Variants in ABCC5 observed in about 807,000 individuals in gnomAD.
ABCC5 encodes the protein ATP-binding cassette sub-family C member 5.
ABCC5 carries 61 observed loss-of-function variants against 160.9 expected under a neutral mutation model. The ratio of observed to expected loss-of-function variants is 0.38; its 90% CI spans 0.31 to 0.47. The LOEUF is 0.47. ABCC5 is among the 20% of genes least tolerant of loss of function. The pLI, the probability that ABCC5 is intolerant of heterozygous loss-of-function variation, is 0.99. For missense variants in ABCC5, 1,308 were observed against 1,813.3 expected, an observed-to-expected ratio of 0.72 and a Z score of 5.06; for synonymous variants, 666 against 700.6, an observed-to-expected ratio of 0.95 and a Z score of 0.78.
At chr3:183,962,942 G>A (rs1716908052) in intron 15 of ABCC5, among the ~76,000 whole-genome samples, 1 of 152,176 alleles carries the variant, frequency 6.6e-6, no homozygotes, top group African/African-American at 2.4e-5. Context: ...GCAGAATGGA[G>A]GGTTTGCCCC....
rs1215824475 is a variant in ABCC5, at chr3:183,971,671, C to CAGG, written c.1650_1652dup (p.Leu551dup). 3 of 1,614,158 alleles carry CAGG rather than the reference C, an allele frequency of 1.9e-6. No individual in the cohort carries two copies. The Middle Eastern group carries it at 4.9e-4, about 266-fold the overall frequency. On this transcript the variant is annotated inframe_insertion, in exon 11 of 30. Coordinates refer to ENST00000334444, the MANE Select transcript of ABCC5 (RefSeq NM_005688.4). The stretch of plus-strand genomic sequence containing the variant: ...CGGGACTGGGCCGCTCGTCACTGTC[C>CAGG]AGGAGGAGGTGGCCTTTCTGCTCTG...
chr3:183,936,074 A>T (rs1577469280), intron 26 of ABCC5, among the ~76,000 whole-genome samples: 1 of 152,126 alleles, frequency 6.6e-6, no homozygotes, highest in East Asian at 1.9e-4. Flanking sequence ...GTGGGGCTGT[A>T]AGGAGGAGAT....
At chr3:183,974,589 G>A (rs371712081) in intron 10 of ABCC5, among the ~76,000 whole-genome samples, 7 of 152,308 alleles carry the variant, frequency 4.6e-5, no homozygotes, top group South Asian at 2.1e-4. Flanking sequence ...GATTACAGGC[G>A]TGAGCCACCA....
Position 183,965,267 on chromosome 3 carries a change from A to G in ABCC5, c.1959-10T>C. On this transcript the variant is annotated splice_polypyrimidine_tract_variant and intron_variant, in intron 13 of 29. Transcript: ENST00000334444. ...CAGCACAGAGTTGTATCTGGAGGAC[A>G]CAAAGAGACAGCGTCAGGGACACGG... The G allele has an allele frequency of 6.2e-7, 1 of 1,614,242 alleles. No individual in the cohort carries two copies. Among genetic ancestry groups the G allele is most frequent in the Non-Finnish European group, 8.5e-7 (1 of 1,180,026 alleles).
intron 2 of ABCC5, among the ~76,000 whole-genome samples, chr3:184,013,652 T>C (rs1253901115): frequency 2.0e-5 from 3 of 152,172 alleles, no homozygotes; most frequent in African/African-American, 4.8e-5. Context: ...TTCCCTGTCA[T>C]TGACCCCATG....
chr3:183,953,063 T>C (rs1715534508), intron 18 of ABCC5, 23 bp downstream of exon 18: 4 of 1,603,594 alleles, frequency 2.5e-6, no homozygotes, highest in Non-Finnish European at 3.4e-6. Context: ...ACACAGAACT[T>C]TCCCATTTAT....
chr3:183,942,844 C>A lies in ABCC5; in HGVS notation c.3577G>T (p.Val1193Leu), dbSNP rs771103758. Residue 1193 changes from valine to leucine, a missense_variant, in exon 25 of 30, where the codon GTG (valine) becomes TTG (leucine). By Grantham distance (32) the Val-to-Leu change is conservative. Around this residue, in one of 3 missense-constraint regions of ABCC5, gnomAD observed 1,142 missense variants for 1,527.1 expected, o/e 0.75. Transcript: ENST00000334444. ...CTCATCTCTGCGTTCTCAAAGGTCA[C>A]CTCTCCCTCCTGGGGCCAGTCAGGG... ...PSPDWPQEGE[V>L]TFENAEMRYR... is the part of the protein sequence containing the mutation. The A allele has an allele frequency of 6.2e-7, 1 of 1,614,146 alleles. No homozygotes were observed.
At chr3:183,943,449 A>T (rs561037459) in intron 24 of ABCC5, among the ~76,000 whole-genome samples, 18 of 152,280 alleles carry the variant, frequency 1.2e-4, no homozygotes, top group Admixed American at 3.3e-4. Flanking sequence ...ACAGATCACC[A>T]CTTCTTCTGC....
intron 10 of ABCC5, among the ~76,000 whole-genome samples, chr3:183,973,836 G>A (rs1196892044): frequency 1.3e-5 from 2 of 152,124 alleles, no homozygotes; most frequent in African/African-American, 2.4e-5. Context: ...ACCACATGCC[G>A]ACAGAATTTC....
chr3:183,987,947 A>G lies in ABCC5; in HGVS notation c.444-30T>C. On this transcript the variant is annotated intron_variant, in intron 4 of 29. Transcript: ENST00000334444. The surrounding 1 kb of genome is among the most constrained non-coding windows in gnomAD (Gnocchi z 4.2). Reference sequence around the variant, plus strand: ...ACAAGGGCACACGTCCTCGTTACACATCTCCTCGGGGGAAAGGCACACCTA... The same window carrying G: ...ACAAGGGCACACGTCCTCGTTACACGTCTCCTCGGGGGAAAGGCACACCTA... 1.2e-6 allele frequency: 2 copies of G among 1,608,320 alleles called. No individual in the cohort carries two copies. Among genetic ancestry groups the G allele is most frequent in the Non-Finnish European group, 1.7e-6 (2 of 1,176,838 alleles).
At chr3:183,967,080 C>T (rs1475518661) in intron 12 of ABCC5, among the ~76,000 whole-genome samples, 2 of 151,630 alleles carry the variant, frequency 1.3e-5, no homozygotes, top group South Asian at 2.1e-4. Context: ...GGGATGACTC[C>T]GGCCCCATCC....
At chr3:183,942,432 C>T (rs1368979822) in intron 25 of ABCC5, 2 of 567,268 alleles carry the variant, frequency 3.5e-6, no homozygotes, top group South Asian at 1.5e-5. Flanking sequence ...AAGATAGCTA[C>T]CAAAATGTTA....
chr3:183,980,638 C>CAGAATTGG (rs1718630000), intron 8 of ABCC5, among the ~76,000 whole-genome samples: 1 of 152,030 alleles, frequency 6.6e-6, no homozygotes, highest in Non-Finnish European at 1.5e-5. Flanking sequence ...ATGTAGATTC[C>CAGAATTGG]AGAATTGGAC....
Position 183,987,870 on chromosome 3 carries a change from G to C in ABCC5, c.491C>G (p.Ala164Gly), listed in dbSNP as rs1353968411. The C allele has an allele frequency of 1.9e-6, 3 of 1,614,034 alleles. No homozygotes were observed. The highest frequency in any genetic ancestry group is 1.6e-4 in the Middle Eastern group (1 of 6,084). ...QEELNEVGPD[A>G]ASLRRVVWIF... ...CCACACAACCCTTCGCAGGGAAGCA[G>C]CGTCTGGCCCAACTTCATTCAGCTC... The change falls in exon 5 of 30, where the codon GCT becomes GGT. Residue 164 changes from alanine to glycine, a missense_variant. Coordinates refer to ENST00000334444, the MANE Select transcript of ABCC5 (RefSeq NM_005688.4). This position sits in a 1 kb window ranked among gnomAD's most constrained non-coding sequence, Gnocchi z 4.2.
chr3:183,951,974 G>T lies in ABCC5; in HGVS notation c.2697C>A (p.Thr899=). Reference sequence around the variant, plus strand: ...TGTCCTTCATGCTGTCACTCACCGAGGTCTCGTTCCCTCGAGTCACAGTGG... The same window carrying T: ...TGTCCTTCATGCTGTCACTCACCGATGTCTCGTTCCCTCGAGTCACAGTGG... ...GNTTVTRGNE[T]SVSDSMKDNP... Residue 899 remains threonine (T), a synonymous_variant, in exon 19 of 30, where the codon ACC becomes ACA. Coordinates refer to ENST00000334444, the MANE Select transcript of ABCC5 (RefSeq NM_005688.4). The surrounding 1 kb of genome is among the most constrained non-coding windows in gnomAD (Gnocchi z 4.7). 6.2e-7 allele frequency: 1 copy of T among 1,612,350 alleles called. No homozygotes were observed.
rs1718821136 is a variant in ABCC5, at chr3:183,982,351, A to G, written c.999+100T>C. ...TGAACCTGCTTTGAGGAAATTTCCA[A>G]TCAGAGCTGTGAGACCTCAGCAATG... On this transcript the variant is annotated intron_variant, in intron 7 of 29. Transcript: ENST00000334444. The surrounding 1 kb of genome is among the most constrained non-coding windows in gnomAD (Gnocchi z 5.2). The G allele has an allele frequency of 3.0e-6, 4 of 1,334,676 alleles. No individual in the cohort carries two copies. Among genetic ancestry groups the G allele is most frequent in the African/African-American group, 3.0e-5 (2 of 67,224 alleles). 82.7% of individuals were successfully genotyped at this position (1,334,676 alleles called of 1,614,324 possible).
chr3:183,943,379 T>G (rs1192618655), intron 24 of ABCC5, among the ~76,000 whole-genome samples: 1 of 152,244 alleles, frequency 6.6e-6, no homozygotes, highest in Non-Finnish European at 1.5e-5. Flanking sequence ...CATTCTGGCA[T>G]GTCTTGGTCA....
At chr3:183,969,323 T>C (rs552172071) in intron 11 of ABCC5, among the ~76,000 whole-genome samples, 4 of 152,294 alleles carry the variant, frequency 2.6e-5, no homozygotes, top group African/African-American at 9.6e-5. Flanking sequence ...CATTTTCTAA[T>C]AGAGCTGATA....
At position 183,991,725 on chromosome 3, in the gene ABCC5, T is replaced by C. The variant is rs190180483; in HGVS notation, c.130-2342A>G. ...ACGAACTCGCTCTTAAATGAAGTCC[T>C]TATGTATAAGGTCAACACTTAATTT... On this transcript the variant is annotated intron_variant, in intron 2 of 29. Coordinates refer to ENST00000334444, the MANE Select transcript of ABCC5 (RefSeq NM_005688.4). 3.0e-4 allele frequency among the ~76,000 whole-genome samples: 46 copies of C among 152,314 alleles called. No individual in the cohort carries two copies. The East Asian group carries it at 8.5e-3, about 28-fold the overall frequency.
Sources: gnomAD v4.1 joint callset for allele counts (sites outside exome capture counted in the v4.1 genomes callset) on GRCh38, gnomAD v4.1.1 for gene constraint, gnomAD v4.1.1 regional missense constraint, Gnocchi (gnomAD v3.1) non-coding constraint, MANE v1.5 for transcripts, NCBI Gene and HGNC (gene_info 2026-07-23, HGNC 2026-07-21) for gene names.